The following CEP112 variants were observed in gnomAD, a reference collection of about 807,000 sequenced individuals.
The protein encoded by CEP112 is centrosomal protein of 112 kDa.
Under a neutral mutation model 153.0 loss-of-function variants are expected in CEP112, and 127 were observed. That is an observed-to-expected ratio of 0.83 (90% CI 0.72 to 0.96). The LOEUF (loss-of-function observed/expected upper bound fraction) is 0.96. CEP112 is among the 40% of genes least tolerant of loss of function. CEP112 has a pLI of 0.00. For synonymous variants in CEP112, 358 were observed against 374.4 expected (o/e 0.96, Z 0.51); for missense variants, 1,089 against 1,101.2 (o/e 0.99, Z 0.16).
intron 24 of CEP112, among the ~76,000 whole-genome samples, chr17:65,649,085 C>A (rs928405299): frequency 0.06 from 5,822 of 97,560 alleles, 357 homozygotes; most frequent in African/African-American, 0.17. Context: ...CACACACACA[C>A]ACACACACAC....
intron 4 of CEP112, among the ~76,000 whole-genome samples, chr17:66,154,919 C>T (rs182944307): frequency 3.1e-4 from 47 of 152,312 alleles, no homozygotes; most frequent in African/African-American, 1.1e-3. Flanking sequence ...AGGCTTTGCC[C>T]TCATAAACAA....
At chr17:65,886,207 A>G (rs535954664) in intron 20 of CEP112, among the ~76,000 whole-genome samples, 3 of 152,326 alleles carry the variant, frequency 2.0e-5, no homozygotes, top group African/African-American at 7.2e-5. Flanking sequence ...AGGGGCTATA[A>G]TTAAAAAAAT....
At chr17:65,717,760 A>G (rs2049618018) in intron 23 of CEP112, among the ~76,000 whole-genome samples, 1 of 152,220 alleles carries the variant, frequency 6.6e-6, no homozygotes, top group African/African-American at 2.4e-5. Context: ...GCCAGCAGGT[A>G]GAGAATGTGT....
intron 4 of CEP112, among the ~76,000 whole-genome samples, chr17:66,140,041 A>G (rs1360034273): frequency 6.6e-6 from 1 of 152,206 alleles, no homozygotes; most frequent in Non-Finnish European, 1.5e-5. Context: ...AAATACTAGC[A>G]AACTGAATTC....
chr17:65,857,793 T>C (rs1464012796), intron 20 of CEP112, among the ~76,000 whole-genome samples: 2 of 152,178 alleles, frequency 1.3e-5, no homozygotes, highest in South Asian at 2.1e-4. Context: ...ACCTTTTTCA[T>C]CCTCTGAAAG....
chr17:65,637,058 A>C, intron 26 of CEP112, 66 bp downstream of exon 26: 1 of 1,210,996 alleles, frequency 8.3e-7, no homozygotes, highest in Admixed American at 1.8e-5. Context: ...AAGGCCAGAC[A>C]AGGAGGCTCA....
intron 24 of CEP112, among the ~76,000 whole-genome samples, chr17:65,648,767 T>C (rs2045575505): frequency 6.6e-6 from 1 of 152,124 alleles, no homozygotes; most frequent in South Asian, 2.1e-4. Flanking sequence ...AAACACCACA[T>C]TGACCGGGTG....
intron 19 of CEP112, among the ~76,000 whole-genome samples, chr17:65,922,316 T>A (rs1599023362): frequency 6.6e-6 from 1 of 152,086 alleles, no homozygotes; most frequent in Non-Finnish European, 1.5e-5. Context: ...AATCTGCTAA[T>A]TATTTTTATA....
intron 14 of CEP112, among the ~76,000 whole-genome samples, chr17:66,028,845 T>C (rs1231531165): frequency 7.0e-6 from 1 of 143,708 alleles, no homozygotes; most frequent in African/African-American, 2.6e-5. Flanking sequence ...AACTAAGCAT[T>C]GGAATTTATA....
At chr17:66,034,948 G>A (rs553227985) in intron 12 of CEP112, among the ~76,000 whole-genome samples, 147 of 126,004 alleles carry the variant, frequency 1.2e-3, no homozygotes, top group African/African-American at 3.5e-3. Context: ...ACAGGCATGT[G>A]CCACCATGCC....
At chr17:65,660,827 G>A (rs138468726) in intron 24 of CEP112, among the ~76,000 whole-genome samples, 75 of 152,146 alleles carry the variant, frequency 4.9e-4, no homozygotes, top group Non-Finnish European at 7.5e-4. Context: ...TTCCCACAGC[G>A]CCGCCTGGCC....
At chr17:66,007,290 A>G (rs2145464397) in intron 16 of CEP112, among the ~76,000 whole-genome samples, 2 of 152,312 alleles carry the variant, frequency 1.3e-5, no homozygotes, top group Admixed American at 1.3e-4. Flanking sequence ...CATATTTTAA[A>G]TGGTAAATTT....
intron 23 of CEP112, among the ~76,000 whole-genome samples, chr17:65,727,170 C>T (rs1467792717): frequency 2.0e-5 from 3 of 152,166 alleles, no homozygotes; most frequent in Non-Finnish European, 4.4e-5. Context: ...AAAATGAAAA[C>T]TTATACTGGT....
intron 12 of CEP112, among the ~76,000 whole-genome samples, chr17:66,033,530 A>G (rs2065583441): frequency 6.6e-6 from 1 of 152,148 alleles, no homozygotes; most frequent in African/African-American, 2.4e-5. Context: ...TGTTTCTCAA[A>G]GTCATCAAGC....
chr17:65,706,262 C>CT (rs1374885477), intron 23 of CEP112, among the ~76,000 whole-genome samples: 1 of 152,108 alleles, frequency 6.6e-6, no homozygotes, highest in Non-Finnish European at 1.5e-5. Context: ...TCTGACAGGC[C>CT]TAAGGTGGAA....
chr17:65,869,055 G>A (rs898881523), intron 20 of CEP112, among the ~76,000 whole-genome samples: 1 of 152,100 alleles, frequency 6.6e-6, no homozygotes, highest in Non-Finnish European at 1.5e-5. Context: ...ATAAAAGTCC[G>A]GGCAAGAAAC....
At chr17:65,664,045 C>CA (rs1403500053) in intron 24 of CEP112, among the ~76,000 whole-genome samples, 9 of 151,330 alleles carry the variant, frequency 5.9e-5, no homozygotes, top group Non-Finnish European at 1.2e-4. Context: ...GACTCTGTCT[C>CA]AAAAAAATAA....
intron 20 of CEP112, among the ~76,000 whole-genome samples, chr17:65,873,833 GTTTTT>G (rs1336140906): frequency 6.6e-6 from 1 of 152,076 alleles, no homozygotes; most frequent in Non-Finnish European, 1.5e-5. Flanking sequence ...TTTTTGTTTG[GTTTTT>G]GTTCTTTGTC....
chr17:66,028,994 C>T, intron 14 of CEP112, 129 bp downstream of exon 14: 1 of 712,164 alleles, frequency 1.4e-6, no homozygotes. Flanking sequence ...CCTGAAGTTC[C>T]TGTTAATTTA....
Sources: gnomAD v4.1 joint callset for allele counts (sites outside exome capture counted in the v4.1 genomes callset) on GRCh38, gnomAD v4.1.1 for gene constraint, MANE v1.5 for transcripts, NCBI Gene and HGNC (gene_info 2026-07-23, HGNC 2026-07-21) for gene names.